COX7B: variants seen among roughly 807,000 people sequenced by gnomAD.
COX7B encodes the protein cytochrome c oxidase subunit 7B, mitochondrial.
A neutral mutation model predicts 7.9 loss-of-function variants in COX7B; 2 were observed. The observed-to-expected ratio is 0.25, with a 90% CI of 0.10 to 0.79. The LOEUF (loss-of-function observed/expected upper bound fraction) is 0.79. COX7B is among the 30% of genes least tolerant of loss of function. The pLI is 0.69. For synonymous variants in COX7B, 19 were observed against 21.1 expected (o/e 0.90, Z 0.27); for missense variants, 54 against 62.7 (o/e 0.86, Z 0.47).
rs781812051 is a variant in COX7B at position 77,905,253 on chromosome X, A to G, written c.235A>G (p.Asn79Asp). The change falls in exon 3 of 3, where the codon AAT (asparagine) becomes GAT (aspartate). Residue 79 changes from asparagine (N) to aspartate (D), a missense_variant. Transcript: ENST00000650309. ...CAGAGTTACCCCAAAGGAATGGAGG[A>G]ATCAGTAATCATCCCAGCTGGTGTA... Reference protein sequence around the residue: ...VGRVTPKEWRNQ With the variant: ...VGRVTPKEWRDQ 20 of 1,196,547 alleles carry G rather than the reference A, an allele frequency of 1.7e-5. No homozygotes were observed. The highest frequency in any genetic ancestry group is 6.1e-4 in the Middle Eastern group (2 of 3,292).
At chrX:77,902,874 T>C in intron 2 of COX7B, 107 bp downstream of exon 2, 1 of 759,272 alleles carries the variant, frequency 1.3e-6, no homozygotes, top group Non-Finnish European at 1.9e-6. Flanking sequence ...AGGAGGGACT[T>C]GAGAGATTGT....
intron 1 of COX7B, among the ~76,000 whole-genome samples, chrX:77,901,128 A>G (rs781876860): frequency 2.4e-4 from 27 of 112,053 alleles, no homozygotes; most frequent in Non-Finnish European, 4.5e-4. Context: ...CTAAAAGATG[A>G]AAAGGGAAAG....
At chrX:77,903,929 G>GTTTTTTTTTTTTTTTTTT (rs2077127701) in intron 2 of COX7B, among the ~76,000 whole-genome samples, 1 of 90,631 alleles carries the variant, frequency 1.1e-5, no homozygotes. Flanking sequence ...TTTTTGTTTT[G>GTTTTTTTTTTTTTTTTTT]TTTTTTGTTT....
chrX:77,901,437 A>T (rs1296368346), intron 1 of COX7B, among the ~76,000 whole-genome samples: 1 of 106,607 alleles, frequency 9.4e-6, no homozygotes, highest in African/African-American at 3.4e-5. Flanking sequence ...TGCCCCTTAA[A>T]TTGGACAGGA....
intron 1 of COX7B, among the ~76,000 whole-genome samples, chrX:77,901,573 ACAG>A (rs2077120155): frequency 9.0e-6 from 1 of 111,216 alleles, no homozygotes; most frequent in Admixed American, 9.6e-5. Context: ...TATAATACTA[ACAG>A]CAAACTTTAT....
chrX:77,903,796 A>G (rs185402929), intron 2 of COX7B, among the ~76,000 whole-genome samples: 131 of 111,336 alleles, frequency 1.2e-3, no homozygotes, highest in African/African-American at 4.2e-3. Context: ...AGTATTCGTG[A>G]CAGATGAGAT....
chrX:77,904,622 C>T (rs1557220945), intron 2 of COX7B, among the ~76,000 whole-genome samples: 1 of 100,288 alleles, frequency 1.0e-5, no homozygotes, highest in Non-Finnish European at 2.0e-5. Context: ...CTAGCCTGGG[C>T]GATAAAGCGA....
chrX:77,901,508 C>G (rs1215407688), intron 1 of COX7B, among the ~76,000 whole-genome samples: 2 of 110,003 alleles, frequency 1.8e-5, no homozygotes, highest in Admixed American at 2.0e-4. Flanking sequence ...CCAAGCCCTC[C>G]TTTTTAGTTC....
rs1206510917 is a variant in COX7B at position 77,906,631 on chromosome X, T to G, written c.*1370T>G. On this transcript the variant is annotated 3_prime_UTR_variant, in exon 3 of 3. Transcript: ENST00000650309. ...AGCAATATCTGTACCACATATTTCT[T>G]TGTTTTTCTTTTTTGAGATGAAGTC... is the stretch of plus-strand genomic sequence containing the variant. The G allele has an allele frequency of 8.9e-6, 1 of 111,796 alleles. No homozygotes were observed. The highest frequency in any genetic ancestry group is 1.9e-5 in the Non-Finnish European group (1 of 53,188). The allele number at this position is 111,796 out of a possible 1,213,427, so 9.2% of individuals were successfully genotyped here. A position where few individuals can be genotyped will look rare whatever the true frequency, so the allele number is the denominator to read the frequency against.
At position 77,902,521 on chromosome X, in the gene COX7B, A is replaced by G. The variant is rs1439346503; in HGVS notation, c.41-122A>G. 1.1e-5 allele frequency: 7 copies of G among 656,288 alleles called. No homozygotes were observed. The African/African-American group carries it at 1.1e-4, about 10-fold the overall frequency. 54.1% of individuals were successfully genotyped at this position (656,288 alleles called of 1,213,427 possible). On this transcript the variant is annotated intron_variant, in intron 1 of 2. Transcript: ENST00000650309. ...ACAATATGTTTTAACATTTTATTGA[A>G]CTACATAATACTGTAAAATTAACTT...
In COX7B at chrX:77,906,508, A is replaced by C. The variant is rs782732580; in HGVS notation, c.*1247A>C. ...AAATGCAGTCTGTTCCTAGTTATCT[A>C]CTATCAGTCACCTGTTGTATAATTA... On this transcript the variant is annotated 3_prime_UTR_variant, in exon 3 of 3. Transcript: ENST00000650309. The C allele has an allele frequency of 3.6e-5, 4 of 112,412 alleles. No homozygotes were observed. In the Admixed American group the frequency reaches 3.8e-4, roughly 11 times the overall value. The allele number at this position is 112,412 out of a possible 1,213,427, so 9.3% of individuals were successfully genotyped here.
intron 1 of COX7B, among the ~76,000 whole-genome samples, chrX:77,902,243 A>G (rs1193095867): frequency 1.8e-5 from 2 of 112,067 alleles, no homozygotes; most frequent in African/African-American, 3.2e-5. Flanking sequence ...AATGGGAGCC[A>G]AAATTTCAGG....
intron 2 of COX7B, among the ~76,000 whole-genome samples, chrX:77,903,995 C>T (rs782554747): frequency 1.0e-5 from 1 of 99,654 alleles, no homozygotes. Context: ...TGCAGTGGCG[C>T]GATCTCTGCT....
rs1557221211 is a variant in COX7B at position 77,906,872 on chromosome X, C to T, written c.*1611C>T. 9.0e-6 allele frequency: 1 copy of T among 111,556 alleles called. No individual in the cohort carries two copies. Among genetic ancestry groups the T allele is most frequent in the Admixed American group, 9.6e-5 (1 of 10,437 alleles). 9.2% of individuals were successfully genotyped at this position (111,556 alleles called of 1,213,427 possible). A position where few individuals can be genotyped will look rare whatever the true frequency, so the allele number is the denominator to read the frequency against. Reference sequence around the variant, plus strand: ...TGAACTCCTGACCTCAGGCGATCCACCCACCTCAGCCTCCCAAAGTGCTAG... The same window carrying T: ...TGAACTCCTGACCTCAGGCGATCCATCCACCTCAGCCTCCCAAAGTGCTAG... On this transcript the variant is annotated 3_prime_UTR_variant, in exon 3 of 3. Transcript: ENST00000650309.
rs2077115873 is a variant in COX7B at position 77,899,709 on chromosome X, G to A, written c.40+116G>A. ...GGCCTTCTAATCTTGAATGCTGTCT[G>A]TCTCCCATCTCGTCCCAAGTCATTG... On this transcript the variant is annotated intron_variant, in intron 1 of 2. Coordinates refer to ENST00000650309, the MANE Select transcript of COX7B (RefSeq NM_001866.3). 3 of 692,233 alleles carry A rather than the reference G, an allele frequency of 4.3e-6. No individual in the cohort carries two copies. The East Asian group carries it at 1.0e-4, about 24-fold the overall frequency. The allele number at this position is 692,233 out of a possible 1,213,427, so 57.0% of individuals were successfully genotyped here.
intron 2 of COX7B, 50 bp downstream of exon 2, chrX:77,902,817 G>A: frequency 8.8e-7 from 1 of 1,133,267 alleles, no homozygotes; most frequent in Non-Finnish European, 1.2e-6. Flanking sequence ...TTCATTCTCA[G>A]TCTATGCATT....
intron 1 of COX7B, chrX:77,901,752 A>G (rs1328879448): frequency 9.1e-6 from 1 of 109,325 alleles, no homozygotes; most frequent in Non-Finnish European, 1.9e-5. Context: ...AGGGACAGAG[A>G]ATTGCTCTGT....
intron 1 of COX7B, among the ~76,000 whole-genome samples, chrX:77,901,431 C>T (rs1344703832): frequency 9.3e-6 from 1 of 107,463 alleles, no homozygotes; most frequent in Non-Finnish European, 1.9e-5. Flanking sequence ...AGAACCTGCC[C>T]CTTAAATTGG....
rs782387241 is a variant in COX7B at position 77,905,861 on chromosome X, C to T, written c.*600C>T. Reference sequence around the variant, plus strand: ...AGAGACGGGGTTTCACCATGTTGGTCAGGCTGGTCTCGAGCTCCTGATCTC... The same window carrying T: ...AGAGACGGGGTTTCACCATGTTGGTTAGGCTGGTCTCGAGCTCCTGATCTC... On this transcript the variant is annotated 3_prime_UTR_variant, in exon 3 of 3. Coordinates refer to ENST00000650309, the MANE Select transcript of COX7B (RefSeq NM_001866.3). 2.7e-5 allele frequency: 3 copies of T among 111,291 alleles called. No homozygotes were observed. The highest frequency in any genetic ancestry group is 5.6e-5 in the Non-Finnish European group (3 of 53,149). 9.2% of individuals were successfully genotyped at this position (111,291 alleles called of 1,213,427 possible). A position where few individuals can be genotyped will look rare whatever the true frequency, so the allele number is the denominator to read the frequency against.
Sources: allele counts gnomAD v4.1 joint callset (sites outside exome capture counted in the v4.1 genomes callset), GRCh38; gene constraint gnomAD v4.1.1; transcripts MANE v1.5; gene names NCBI Gene and HGNC (gene_info 2026-07-23, HGNC 2026-07-21).